The following PSME4 variants were observed in gnomAD, a reference collection of about 807,000 sequenced individuals.
The protein encoded by PSME4 is proteasome activator subunit 4, also known as proteasome activator complex subunit 4.
In PSME4, 89 loss-of-function variants were observed where a neutral mutation model predicts 253.9. The observed-to-expected ratio is 0.35, with a 90% CI of 0.30 to 0.42. The LOEUF is 0.42. Among genes scored for constraint, PSME4 ranks in the 10% least tolerant of loss-of-function variants. PSME4 has a pLI of 1.00. For missense variants in PSME4, 2,014 were observed against 2,195.2 expected, an observed-to-expected ratio of 0.92 and a Z score of 1.65; for synonymous variants, 851 against 759.2, an observed-to-expected ratio of 1.12 and a Z score of -1.99.
intron 27 of PSME4, among the ~76,000 whole-genome samples, chr2:53,902,939 T>A (rs1680480129): frequency 6.6e-6 from 1 of 152,110 alleles, no homozygotes; most frequent in East Asian, 1.9e-4. Context: ...GTCTTCATTA[T>A]CTCCAAAAAA....
chr2:53,915,144 A>G (rs570789070), intron 20 of PSME4, among the ~76,000 whole-genome samples: 1 of 152,248 alleles, frequency 6.6e-6, no homozygotes, highest in East Asian at 1.9e-4. Flanking sequence ...CTAAAAAGTA[A>G]CCTAAGCTTT....
intron 1 of PSME4, among the ~76,000 whole-genome samples, chr2:53,952,308 C>T (rs944331957): frequency 1.3e-4 from 20 of 151,988 alleles, no homozygotes; most frequent in African/African-American, 3.4e-4. Flanking sequence ...TTTGGGAGGC[C>T]GAGGCAGACG....
At chr2:53,962,381 T>C (rs1324241498) in intron 1 of PSME4, among the ~76,000 whole-genome samples, 2 of 148,498 alleles carry the variant, frequency 1.3e-5, no homozygotes, top group East Asian at 2.0e-4. Context: ...TATAGTTATA[T>C]GCTTATTTAC....
rs1671043886 is a variant in PSME4, at chr2:53,970,793, G to A, written c.-9C>T. 2 of 1,530,970 alleles carry A rather than the reference G, an allele frequency of 1.3e-6. No individual in the cohort carries two copies. Among genetic ancestry groups the A allele is most frequent in the African/African-American group, 1.4e-5 (1 of 72,116 alleles). 94.8% of individuals were successfully genotyped at this position (1,530,970 alleles called of 1,614,324 possible). A position where few individuals can be genotyped will look rare whatever the true frequency, so the allele number is the denominator to read the frequency against. On this transcript the variant is annotated 5_prime_UTR_variant, in exon 1 of 47. Transcript: ENST00000404125. Reference sequence around the variant, plus strand: ...CGCTCGGCCGGCTCCATGAGCCCAGGGACACCCCCCCCACCCCCTCCCACC... The same window carrying A: ...CGCTCGGCCGGCTCCATGAGCCCAGAGACACCCCCCCCACCCCCTCCCACC...
In PSME4 at chr2:53,940,982, T is replaced by TATACATATTTAA. The variant is rs1558414090; in HGVS notation, c.501-983_501-982insTTAAATATGTAT. 5.0e-5 allele frequency among the ~76,000 whole-genome samples: 4 copies of TATACATATTTAA among 79,818 alleles called. 1 individual carries two copies. Among genetic ancestry groups the TATACATATTTAA allele is most frequent in the East Asian group, 4.4e-4 (1 of 2,270 alleles). The allele number at this position is 79,818 out of a possible 152,430, so 52.4% of individuals were successfully genotyped here. A position where few individuals can be genotyped will look rare whatever the true frequency, so the allele number is the denominator to read the frequency against. The stretch of plus-strand genomic sequence containing the variant: ...ATATATATATATATATATATATATA[T>TATACATATTTAA]ATATATATATATATATATGAAAGGA... On this transcript the variant is annotated intron_variant, in intron 3 of 46. Transcript: ENST00000404125.
intron 1 of PSME4, among the ~76,000 whole-genome samples, chr2:53,955,824 A>C (rs1450633829): frequency 2.6e-5 from 4 of 152,176 alleles, no homozygotes; most frequent in Non-Finnish European, 4.4e-5. Context: ...CAGGAGGCTG[A>C]GGTGGGAAGA....
At chr2:53,934,160 C>T (rs1668996558) in intron 8 of PSME4, among the ~76,000 whole-genome samples, 1 of 152,084 alleles carries the variant, frequency 6.6e-6, no homozygotes, top group African/African-American at 2.4e-5. Flanking sequence ...TTAATGATGT[C>T]AACAAAGTAA....
rs372383875 is a variant in PSME4 at position 53,967,314 on chromosome 2, C to T, written c.242+3229G>A. On this transcript the variant is annotated intron_variant, in intron 1 of 46. Transcript: ENST00000404125. Reference sequence around the variant, plus strand: ...CCTTTCTTCAGAGATGTTAAACAGACCTGCAAGTTTCTAAATGGACTGAAC... The same window carrying T: ...CCTTTCTTCAGAGATGTTAAACAGATCTGCAAGTTTCTAAATGGACTGAAC... Among the ~76,000 whole-genome samples, 61 of 152,028 alleles carry T rather than the reference C, an allele frequency of 4.0e-4. 1 individual carries two copies. In the East Asian group the frequency reaches 7.4e-3, roughly 18 times the overall value.
In PSME4 at chr2:53,952,457, G is replaced by A. The variant is rs572496558; in HGVS notation, c.243-3174C>T. On this transcript the variant is annotated intron_variant, in intron 1 of 46. Coordinates refer to ENST00000404125, the MANE Select transcript of PSME4 (RefSeq NM_014614.3). ...CTCGGGAGGCTGAGGCAGGAGAATT[G>A]TTTGAACCTGGGAGGCGGAGGTTGC... Among the ~76,000 whole-genome samples, 4 of 152,264 alleles carry A rather than the reference G, an allele frequency of 2.6e-5. No homozygotes were observed. In the East Asian group the frequency reaches 5.8e-4, roughly 22 times the overall value.
At chr2:53,938,115 C>T (rs1357061560) in intron 4 of PSME4, among the ~76,000 whole-genome samples, 1 of 151,946 alleles carries the variant, frequency 6.6e-6, no homozygotes, top group Non-Finnish European at 1.5e-5. Context: ...ACTCAGTTAC[C>T]TATAAAATTA....
intron 3 of PSME4, among the ~76,000 whole-genome samples, chr2:53,946,786 C>A (rs1056391450): frequency 6.6e-6 from 1 of 152,070 alleles, no homozygotes; most frequent in Non-Finnish European, 1.5e-5. Context: ...TGGTGGCACA[C>A]GCCTGTGGTC....
chr2:53,901,784 T>C (rs1680410780), intron 27 of PSME4, among the ~76,000 whole-genome samples: 2 of 151,996 alleles, frequency 1.3e-5, no homozygotes, highest in East Asian at 1.9e-4. Context: ...TAATAAAGAG[T>C]TTGGGACAGG....
At chr2:53,875,341 C>T (rs752341034) in intron 42 of PSME4, among the ~76,000 whole-genome samples, 2 of 152,092 alleles carry the variant, frequency 1.3e-5, no homozygotes, top group African/African-American at 4.8e-5. Flanking sequence ...AGAAAGGAAC[C>T]ACCATCCACC....
At chr2:53,898,088 T>C in intron 30 of PSME4, 89 bp from the exon 31 acceptor site, 1 of 1,448,520 alleles carries the variant, frequency 6.9e-7, no homozygotes, top group South Asian at 1.3e-5. Context: ...TAATTTTAAA[T>C]TTCTCAAGAA....
Position 53,894,988 on chromosome 2 carries a change from G to A in PSME4, c.3912+19C>T. The A allele has an allele frequency of 1.9e-6, 3 of 1,598,422 alleles. No individual in the cohort carries two copies. In the South Asian group the frequency reaches 3.4e-5, roughly 18 times the overall value. ...CCAAAACAAGATGCATTTGAACCAT[G>A]GTGAAATGGAATGCTTACCTCTGTC... On this transcript the variant is annotated intron_variant, in intron 34 of 46. Coordinates refer to ENST00000404125, the MANE Select transcript of PSME4 (RefSeq NM_014614.3).
At chr2:53,942,632 TGA>T (rs1669504757) in intron 3 of PSME4, among the ~76,000 whole-genome samples, 1 of 152,094 alleles carries the variant, frequency 6.6e-6, no homozygotes, top group African/African-American at 2.4e-5. Flanking sequence ...AAAAATTAAA[TGA>T]GATAAGGTAT....
intron 1 of PSME4, among the ~76,000 whole-genome samples, chr2:53,964,730 G>C (rs1477723041): frequency 6.6e-6 from 1 of 152,200 alleles, no homozygotes; most frequent in Non-Finnish European, 1.5e-5. Context: ...ATGAATGTGG[G>C]TGCTCCTGTG....
intron 1 of PSME4, among the ~76,000 whole-genome samples, chr2:53,964,972 T>C (rs1227651336): frequency 6.6e-6 from 1 of 152,200 alleles, no homozygotes; most frequent in Non-Finnish European, 1.5e-5. Flanking sequence ...CATTATAATA[T>C]AGTCACTTAA....
chr2:53,901,400 G>T lies in PSME4; in HGVS notation c.3235C>A (p.Leu1079Ile). Residue 1079 changes from leucine (L) to isoleucine (I), a missense_variant, in exon 28 of 47, where the codon CTT becomes ATT. Leu to Ile is a conservative substitution (Grantham distance 5). This residue lies in a region of PSME4 where 989 missense variants were observed against 1,021.1 expected (regional missense o/e 0.97). Transcript: ENST00000404125. ...TACTGCCTATGAATCTTTTCTGCAAGATCATCAAACAATCTCACTATTGAT... is the reference window on the plus strand; with the variant it reads ...TACTGCCTATGAATCTTTTCTGCAATATCATCAAACAATCTCACTATTGAT... ...KPSIVRLFDD[L>I]AEKIHRQYET... 1 of 1,614,116 alleles carries T rather than the reference G, an allele frequency of 6.2e-7. No individual in the cohort carries two copies. Among genetic ancestry groups the T allele is most frequent in the African/African-American group, 1.3e-5 (1 of 75,028 alleles).
Sources: allele counts gnomAD v4.1 joint callset (sites outside exome capture counted in the v4.1 genomes callset), GRCh38; gene constraint gnomAD v4.1.1; regional missense constraint gnomAD v4.1.1; transcripts MANE v1.5; gene names NCBI Gene and HGNC (gene_info 2026-07-23, HGNC 2026-07-21).